Variants in NTM observed in about 807,000 individuals in gnomAD.
NTM encodes IgLON family member 2.
NTM carries 13 observed loss-of-function variants against 42.1 expected under a neutral mutation model. That is an observed-to-expected ratio of 0.31 (90% CI 0.20 to 0.49). NTM has a LOEUF of 0.49. NTM is among the 20% of genes least tolerant of loss of function. NTM has a pLI of 0.99. For synonymous variants in NTM, 187 were observed against 179.2 expected (o/e 1.04, Z -0.35); for missense variants, 373 against 452.8 (o/e 0.82, Z 1.60).
chr11:131,523,782 CAAA>C (rs3040114), intron 1 of NTM, among the ~76,000 whole-genome samples: 1 of 72,194 alleles, frequency 1.4e-5, no homozygotes, highest in Admixed American at 1.7e-4. Flanking sequence ...GACTCCATCT[CAAA>C]AAAAAAAAAA....
At chr11:132,164,107 T>G (rs2074874917) in intron 3 of NTM, among the ~76,000 whole-genome samples, 1 of 152,192 alleles carries the variant, frequency 6.6e-6, no homozygotes, top group Admixed American at 6.5e-5. Flanking sequence ...GACAAATCTT[T>G]CCTTATGTGT....
chr11:131,671,776 C>T (rs2070302455), intron 1 of NTM, among the ~76,000 whole-genome samples: 1 of 152,200 alleles, frequency 6.6e-6, no homozygotes, highest in South Asian at 2.1e-4. Context: ...GAAGTGTGTC[C>T]CCTGAGCTCG....
Position 132,335,371 on chromosome 11 carries a change from G to A in NTM, c.*225G>A. The A allele has an allele frequency of 1.9e-6, 1 of 530,764 alleles. No individual in the cohort carries two copies. The highest frequency in any genetic ancestry group is 2.2e-5 in the South Asian group (1 of 45,766). The allele number at this position is 530,764 out of a possible 1,614,324, so 32.9% of individuals were successfully genotyped here. On this transcript the variant is annotated 3_prime_UTR_variant, in exon 9 of 9. Coordinates refer to ENST00000683400, the MANE Select transcript of NTM (RefSeq NM_001352005.2). ...TGCCTTGCAGATATTTAGGTACAAT[G>A]GAGTTTTCTTTTCCCAAACGGGAAG...
Position 131,480,836 on chromosome 11 carries a change from C to T in NTM, c.82+109948C>T, listed in dbSNP as rs139655259. On this transcript the variant is annotated intron_variant, in intron 1 of 8. Coordinates refer to ENST00000683400, the MANE Select transcript of NTM (RefSeq NM_001352005.2). ...CATTTCTTTCCATCCCCTGAAGCTT[C>T]TTTTCACTTTATATCCTGGCTTGAT... Among the ~76,000 whole-genome samples, 690 of 152,202 alleles carry T rather than the reference C, an allele frequency of 4.5e-3. 4 individuals are homozygous for T. The highest frequency in any genetic ancestry group is 0.016 in the African/African-American group (658 of 41,516).
intron 1 of NTM, among the ~76,000 whole-genome samples, chr11:131,571,962 C>T (rs891823557): frequency 9.2e-5 from 14 of 152,240 alleles, no homozygotes; most frequent in African/African-American, 1.4e-4. Context: ...GTGGGCTAGG[C>T]GAACAATTTG....
rs536198327 is a variant in NTM at position 131,770,830 on chromosome 11, T to A, written c.83-140734T>A. ...CTCTCATTTGCCACTGTTTCTTGAGTCAACTGGATCAGAAACATCAATCAT... is the reference window on the plus strand; with the variant it reads ...CTCTCATTTGCCACTGTTTCTTGAGACAACTGGATCAGAAACATCAATCAT... On this transcript the variant is annotated intron_variant, in intron 1 of 8. Coordinates refer to ENST00000683400, the MANE Select transcript of NTM (RefSeq NM_001352005.2). 102 of 152,256 alleles carry A rather than the reference T, an allele frequency of 6.7e-4. 1 individual carries two copies. Among genetic ancestry groups the A allele is most frequent in the African/African-American group, 2.4e-3 (99 of 41,558 alleles). 9.4% of individuals were successfully genotyped at this position (152,256 alleles called of 1,614,324 possible). A position where few individuals can be genotyped will look rare whatever the true frequency, so the allele number is the denominator to read the frequency against.
chr11:131,880,932 A>G (rs2049372424), intron 1 of NTM, among the ~76,000 whole-genome samples: 1 of 152,192 alleles, frequency 6.6e-6, no homozygotes, highest in Non-Finnish European at 1.5e-5. Flanking sequence ...GGTAGGGAAC[A>G]GTCAGATGCT....
intron 1 of NTM, among the ~76,000 whole-genome samples, chr11:131,682,776 C>T (rs888331135): frequency 6.6e-6 from 1 of 152,184 alleles, no homozygotes; most frequent in African/African-American, 2.4e-5. Flanking sequence ...AGCTCCCTCT[C>T]GGTGCTGGAT....
At chr11:131,607,526 A>G (rs995647276) in intron 1 of NTM, among the ~76,000 whole-genome samples, 9 of 152,062 alleles carry the variant, frequency 5.9e-5, no homozygotes, top group Non-Finnish European at 1.3e-4. Flanking sequence ...TCATTTTTCC[A>G]TTTCTTTCTT....
chr11:132,190,123 T>G (rs565387891), intron 3 of NTM, among the ~76,000 whole-genome samples: 1 of 152,242 alleles, frequency 6.6e-6, no homozygotes, highest in Admixed American at 6.5e-5. Flanking sequence ...CTGGGAATTG[T>G]TGGTGGAAGG....
intron 1 of NTM, among the ~76,000 whole-genome samples, chr11:131,868,818 A>G (rs181180357): frequency 6.6e-6 from 1 of 152,278 alleles, no homozygotes; most frequent in Non-Finnish European, 1.5e-5. Context: ...TGATCTCTCC[A>G]GGCACTTCCT....
chr11:132,288,228 A>T (rs1195934582), intron 4 of NTM, among the ~76,000 whole-genome samples: 2 of 152,188 alleles, frequency 1.3e-5, no homozygotes, highest in Non-Finnish European at 2.9e-5. Flanking sequence ...GTGCCATGGA[A>T]GCCAAGACAC....
chr11:131,851,319 A>G (rs1428968396), intron 1 of NTM, among the ~76,000 whole-genome samples: 1 of 152,146 alleles, frequency 6.6e-6, no homozygotes, highest in Non-Finnish European at 1.5e-5. Context: ...ACAGTCCAGC[A>G]CCGGCATTTC....
At chr11:131,658,388 A>G (rs2067478105) in intron 1 of NTM, among the ~76,000 whole-genome samples, 1 of 152,192 alleles carries the variant, frequency 6.6e-6, no homozygotes, top group Non-Finnish European at 1.5e-5. Context: ...GAGCATTCCC[A>G]TAGACCCCTT....
intron 2 of NTM, among the ~76,000 whole-genome samples, chr11:132,086,441 C>A (rs763926168): frequency 6.6e-6 from 1 of 152,018 alleles, no homozygotes; most frequent in Non-Finnish European, 1.5e-5. Context: ...ACATAAAGGC[C>A]TTTTAAATAT....
intron 1 of NTM, among the ~76,000 whole-genome samples, chr11:131,428,236 C>T (rs764952806): frequency 2.0e-5 from 3 of 152,178 alleles, no homozygotes; most frequent in Admixed American, 6.5e-5. Context: ...ACTGTTGGTA[C>T]GCCTGTCACT....
intron 4 of NTM, among the ~76,000 whole-genome samples, chr11:132,255,451 G>A (rs111948951): frequency 0.013 from 2,053 of 152,236 alleles, 42 homozygotes; most frequent in African/African-American, 0.038. Context: ...GGTGTCACTC[G>A]GCTGCTCGAG....
intron 3 of NTM, among the ~76,000 whole-genome samples, chr11:132,176,614 C>CTCAGATTA: frequency 1.3e-5 from 2 of 151,428 alleles, no homozygotes; most frequent in Admixed American, 1.3e-4. Context: ...TAGATATCCT[C>CTCAGATTA]TCAGATTATG....
intron 4 of NTM, among the ~76,000 whole-genome samples, chr11:132,248,475 G>C (rs1473493852): frequency 2.6e-5 from 4 of 152,092 alleles, no homozygotes; most frequent in Admixed American, 1.3e-4. Context: ...GCACCAGGAG[G>C]CTGCCTGAGC....
Sources: gnomAD v4.1 joint callset for allele counts (sites outside exome capture counted in the v4.1 genomes callset) on GRCh38, gnomAD v4.1.1 for gene constraint, MANE v1.5 for transcripts, NCBI Gene and HGNC (gene_info 2026-07-23, HGNC 2026-07-21) for gene names.